Variants in SRR observed in about 807,000 individuals in gnomAD.
SRR encodes the protein D-serine ammonia-lyase.
In SRR, 19 loss-of-function variants were observed where a neutral mutation model predicts 32.7. The observed-to-expected ratio is 0.58, with a 90% CI of 0.40 to 0.85. The LOEUF (loss-of-function observed/expected upper bound fraction) is 0.85, where lower values mean the gene tolerates loss of function less well. SRR is among the 40% of genes least tolerant of loss of function. The pLI is 0.00. For synonymous variants in SRR, 142 were observed against 140.9 expected, an observed-to-expected ratio of 1.01 and a Z score of -0.06; for missense variants, 373 against 404.7, an observed-to-expected ratio of 0.92 and a Z score of 0.67.
At chr17:2,307,350 T>G in intron 1 of SRR, 2 of 1,058,298 alleles carry the variant, frequency 1.9e-6, no homozygotes, top group Non-Finnish European at 1.5e-6. Context: ...GAGGTCAAAG[T>G]ACTTCTGGAA....
chr17:2,316,775 C>G (rs925081919), intron 2 of SRR, among the ~76,000 whole-genome samples: 1 of 152,008 alleles, frequency 6.6e-6, no homozygotes, highest in Non-Finnish European at 1.5e-5. Context: ...TGCAGTGGCA[C>G]GATCTCGGCT....
At position 2,317,873 on chromosome 17, in the gene SRR, C is replaced by G. The variant is rs150052668; in HGVS notation, c.172C>G (p.Arg58Gly). The change falls in exon 3 of 8, where the codon CGT becomes GGT. Residue 58 changes from arginine to glycine, a missense_variant. Arg to Gly is a moderately radical substitution (Grantham distance 125). Transcript: ENST00000344595. ...ATTCACCATCCCTCTTTTTCAGATT[C>G]GTGGTGCTCTCAATGCCGTCAGAAG... ...LFQKTGSFKI[R>G]GALNAVRSLV... The G allele has an allele frequency of 3.7e-5, 60 of 1,610,776 alleles. No homozygotes were observed. The highest frequency in any genetic ancestry group is 5.5e-5 in the South Asian group (5 of 90,296).
At chr17:2,319,347 A>T (rs370306804) in intron 4 of SRR, among the ~76,000 whole-genome samples, 9 of 151,924 alleles carry the variant, frequency 5.9e-5, no homozygotes, top group South Asian at 2.1e-4. Flanking sequence ...TTTTTTGAAA[A>T]TTTTTTGTTG....
rs141591550 is a variant in SRR, at chr17:2,324,249, G to T, written c.*376G>T. 1.4e-5 allele frequency: 21 copies of T among 1,537,942 alleles called. No homozygotes were observed. The highest frequency in any genetic ancestry group is 1.6e-5 in the Non-Finnish European group (18 of 1,148,386). Reference sequence around the variant, plus strand: ...GAAGAAATCTCACTTTTCAGCCAGGGTACTGGTTCTGGTACATATGGATCA... The same window carrying T: ...GAAGAAATCTCACTTTTCAGCCAGGTTACTGGTTCTGGTACATATGGATCA... On this transcript the variant is annotated 3_prime_UTR_variant, in exon 8 of 8. Coordinates refer to ENST00000344595, the MANE Select transcript of SRR (RefSeq NM_021947.3).
chr17:2,318,065 A>G, intron 3 of SRR, 69 bp downstream of exon 3: 1 of 1,473,190 alleles, frequency 6.8e-7, no homozygotes, highest in South Asian at 1.4e-5. Context: ...AATTTCAGTG[A>G]GAGTGATGAT....
intron 1 of SRR, among the ~76,000 whole-genome samples, chr17:2,308,858 C>T (rs2075413504): frequency 6.6e-6 from 1 of 151,876 alleles, no homozygotes; most frequent in African/African-American, 2.4e-5. Context: ...GTGGCTCATA[C>T]CTGTAATCCC....
intron 4 of SRR, among the ~76,000 whole-genome samples, chr17:2,320,982 C>T (rs1241239061): frequency 1.3e-5 from 2 of 152,242 alleles, no homozygotes; most frequent in African/African-American, 2.4e-5. Flanking sequence ...TACCCCCTCT[C>T]TGGAATATTC....
Position 2,317,014 on chromosome 17 carries a change from A to G in SRR, c.169-856A>G, listed in dbSNP as rs1469538756. 2.7e-5 allele frequency among the ~76,000 whole-genome samples: 4 copies of G among 148,488 alleles called. No homozygotes were observed. The East Asian group carries it at 8.2e-4, about 30-fold the overall frequency. ...TGGGATTACTGGCATGAGTCACCGC[A>G]CCCAGCCTTGGTGAAACACTTTCTA... On this transcript the variant is annotated intron_variant, in intron 2 of 7. Transcript: ENST00000344595.
rs1463439133 is a variant in SRR at position 2,321,328 on chromosome 17, G to C, written c.422G>C (p.Arg141Thr). The C allele has an allele frequency of 6.2e-7, 1 of 1,613,704 alleles. No homozygotes were observed. The highest frequency in any genetic ancestry group is 8.5e-7 in the Non-Finnish European group (1 of 1,179,930). The change falls in exon 5 of 8, where the codon AGA becomes ACA. Residue 141 changes from arginine to threonine, a missense_variant. Physicochemically the swap from Arg to Thr is moderately conservative, Grantham distance 71. Coordinates refer to ENST00000344595, the MANE Select transcript of SRR (RefSeq NM_021947.3). ...CAGTCCAGAGAAAATGTTGCAAAAA[G>C]AGTTACAGAAGAAACAGAAGGCATC... is the stretch of plus-strand genomic sequence containing the variant. ...SDESRENVAK[R>T]VTEETEGIMV... is the part of the protein sequence containing the mutation.
chr17:2,305,509 G>A (rs961038915), intron 1 of SRR, among the ~76,000 whole-genome samples: 9 of 152,058 alleles, frequency 5.9e-5, no homozygotes, highest in Admixed American at 3.3e-4. Flanking sequence ...AATTAAATAC[G>A]AGTTCCAGAA....
upstream of SRR, chr17:2,303,559 G>C (rs1008529939): frequency 2.2e-6 from 3 of 1,351,298 alleles, no homozygotes; most frequent in Admixed American, 8.0e-5. Context: ...GGGCCGAGCG[G>C]GGAGGAGGCA....
At chr17:2,316,854 A>G (rs531082748) in intron 2 of SRR, among the ~76,000 whole-genome samples, 2 of 149,370 alleles carry the variant, frequency 1.3e-5, no homozygotes, top group East Asian at 4.0e-4. Context: ...CTGGGACTAC[A>G]GGCGCCTGCC....
Position 2,317,903 on chromosome 17 carries a change from G to A in SRR, c.202G>A (p.Val68Ile). The change falls in exon 3 of 8, where the codon GTT (valine) becomes ATT (isoleucine). Residue 68 changes from valine (V) to isoleucine (I), a missense_variant. Val to Ile is a conservative substitution (Grantham distance 29). Coordinates refer to ENST00000344595, the MANE Select transcript of SRR (RefSeq NM_021947.3). ...RGALNAVRSLVPDALERKPKA... is the reference protein window; with the variant it reads ...RGALNAVRSLIPDALERKPKA... ...TGCTCTCAATGCCGTCAGAAGCTTG[G>A]TTCCTGATGCTTTAGAAAGGAAGCC... 1 of 1,613,864 alleles carries A rather than the reference G, an allele frequency of 6.2e-7. No individual in the cohort carries two copies. Among genetic ancestry groups the A allele is most frequent in the Non-Finnish European group, 8.5e-7 (1 of 1,179,928 alleles).
At chr17:2,311,031 CCA>C (rs2075430144) in intron 1 of SRR, among the ~76,000 whole-genome samples, 1 of 151,914 alleles carries the variant, frequency 6.6e-6, no homozygotes, top group African/African-American at 2.4e-5. Flanking sequence ...CAGGCGTGAC[CCA>C]CCACGCCCGG....
intron 1 of SRR, among the ~76,000 whole-genome samples, chr17:2,308,058 A>AC (rs1459477951): frequency 6.6e-6 from 1 of 151,252 alleles, no homozygotes; most frequent in Non-Finnish European, 1.5e-5. Flanking sequence ...TAAAAAAAAA[A>AC]AACAACAAAA....
At chr17:2,307,214 C>T (rs1057355433) in intron 1 of SRR, 1 of 1,330,950 alleles carries the variant, frequency 7.5e-7, no homozygotes, top group African/African-American at 1.4e-5. Flanking sequence ...GCCTTTGTAA[C>T]CTTTGATGAT....
intron 6 of SRR, 33 bp from the exon 7 acceptor site, chr17:2,323,103 G>A (rs780474231): frequency 6.2e-7 from 1 of 1,606,512 alleles, no homozygotes; most frequent in East Asian, 2.2e-5. Context: ...GTTGTGGTTT[G>A]TTGTTAAGAT....
upstream of SRR, chr17:2,303,576 G>A: frequency 2.2e-6 from 3 of 1,373,934 alleles, no homozygotes; most frequent in Non-Finnish European, 2.8e-6. Context: ...GGCAGAGGAG[G>A]AGGAGAGGGA....
chr17:2,321,461 TA>T, intron 5 of SRR, 36 bp downstream of exon 5: 1 of 1,612,272 alleles, frequency 6.2e-7, no homozygotes, highest in Non-Finnish European at 8.5e-7. Flanking sequence ...TAGCTACTGG[TA>T]AAGCTGTTGG....
Sources: gnomAD v4.1 joint callset for allele counts (sites outside exome capture counted in the v4.1 genomes callset) on GRCh38, gnomAD v4.1.1 for gene constraint, MANE v1.5 for transcripts, NCBI Gene and HGNC (gene_info 2026-07-23, HGNC 2026-07-21) for gene names.